ROBO1: variants seen among roughly 807,000 people sequenced by gnomAD.
ROBO1 encodes roundabout guidance receptor 1.
In ROBO1, 149 loss-of-function variants were observed where a neutral mutation model predicts 195.9. The observed-to-expected ratio is 0.76, with a 90% CI of 0.67 to 0.87. The LOEUF (loss-of-function observed/expected upper bound fraction) is 0.87. ROBO1 is among the 40% of genes least tolerant of loss of function. ROBO1 has a pLI of 0.00. For synonymous variants in ROBO1, 816 were observed against 733.2 expected (o/e 1.11, Z -1.82); for missense variants, 1,933 against 2,068.3 (o/e 0.93, Z 1.27).
At chr3:79,453,570 C>T (rs1165781374) in intron 2 of ROBO1, among the ~76,000 whole-genome samples, 1 of 152,060 alleles carries the variant, frequency 6.6e-6, no homozygotes, top group Non-Finnish European at 1.5e-5. Flanking sequence ...GTTGGGCAGT[C>T]ACAAGGTAGA....
intron 2 of ROBO1, among the ~76,000 whole-genome samples, chr3:79,206,523 C>A (rs925537041): frequency 9.2e-5 from 14 of 152,216 alleles, no homozygotes; most frequent in African/African-American, 3.4e-4. Flanking sequence ...AGGCATACTA[C>A]ATATAGAGTT....
intron 7 of ROBO1, among the ~76,000 whole-genome samples, chr3:78,716,742 G>A (rs570358932): frequency 2.6e-5 from 4 of 152,070 alleles, no homozygotes; most frequent in Admixed American, 1.3e-4. Context: ...AAGACGGCCC[G>A]CTGACAGTAC....
chr3:78,752,534 T>C (rs1307449618), intron 4 of ROBO1, among the ~76,000 whole-genome samples: 1 of 152,164 alleles, frequency 6.6e-6, no homozygotes, highest in Non-Finnish European at 1.5e-5. Flanking sequence ...GTCTTACTTT[T>C]TAGCTGACAG....
At chr3:79,410,473 T>TG (rs2037721152) in intron 2 of ROBO1, among the ~76,000 whole-genome samples, 1 of 152,096 alleles carries the variant, frequency 6.6e-6, no homozygotes, top group Non-Finnish European at 1.5e-5. Flanking sequence ...GCAACCTGTA[T>TG]GTCCAGGGAA....
At chr3:79,507,414 G>A (rs1940461437) in intron 2 of ROBO1, among the ~76,000 whole-genome samples, 1 of 152,146 alleles carries the variant, frequency 6.6e-6, no homozygotes, top group Non-Finnish European at 1.5e-5. Flanking sequence ...GAGCAGTACT[G>A]CAACTTACTA....
intron 4 of ROBO1, among the ~76,000 whole-genome samples, chr3:78,840,940 T>C (rs1266791419): frequency 6.6e-6 from 1 of 151,588 alleles, no homozygotes; most frequent in Non-Finnish European, 1.5e-5. Context: ...TGGGCGCCTG[T>C]AGTCCCAGCT....
chr3:79,553,273 T>A (rs968629284), intron 2 of ROBO1, among the ~76,000 whole-genome samples: 1 of 152,052 alleles, frequency 6.6e-6, no homozygotes, highest in Non-Finnish European at 1.5e-5. Context: ...TTCAGCCCTG[T>A]CTTGCCTTGT....
intron 18 of ROBO1, 38 bp downstream of exon 18, chr3:78,657,060 G>T: frequency 1.3e-6 from 2 of 1,545,582 alleles, no homozygotes; most frequent in Non-Finnish European, 1.7e-6. Context: ...ACATGGTAGA[G>T]TGAGAGATTG....
chr3:79,057,854 G>A (rs2078841660), intron 3 of ROBO1, among the ~76,000 whole-genome samples: 1 of 151,906 alleles, frequency 6.6e-6, no homozygotes, highest in African/African-American at 2.4e-5. Context: ...TGGATTCCTG[G>A]AGCTACAGAT....
At chr3:79,226,455 G>A (rs1488982745) in intron 2 of ROBO1, among the ~76,000 whole-genome samples, 1 of 151,740 alleles carries the variant, frequency 6.6e-6, no homozygotes, top group Non-Finnish European at 1.5e-5. Flanking sequence ...TCTTCACCCT[G>A]TATAGACGAT....
chr3:79,688,808 A>C (rs968477655), intron 1 of ROBO1, among the ~76,000 whole-genome samples: 1 of 151,970 alleles, frequency 6.6e-6, no homozygotes, highest in Non-Finnish European at 1.5e-5. Flanking sequence ...ATTTACTTCT[A>C]TTTCTAACTT....
chr3:79,322,808 T>TA (rs955618958), intron 2 of ROBO1, among the ~76,000 whole-genome samples: 4 of 152,166 alleles, frequency 2.6e-5, no homozygotes, highest in African/African-American at 9.7e-5. Context: ...AGAAGGGATA[T>TA]AAAAAACTAT....
intron 2 of ROBO1, among the ~76,000 whole-genome samples, chr3:79,574,424 G>T (rs1195358389): frequency 1.3e-5 from 2 of 151,458 alleles, no homozygotes; most frequent in Non-Finnish European, 3.0e-5. Flanking sequence ...CATAAATTTT[G>T]CTACCATAAA....
chr3:78,821,819 C>T (rs868373199), intron 4 of ROBO1, among the ~76,000 whole-genome samples: 11 of 152,100 alleles, frequency 7.2e-5, no homozygotes, highest in South Asian at 2.1e-4. Flanking sequence ...ATCTCATAAT[C>T]CCAAAACCTG....
At chr3:79,704,777 T>C (rs1358992420) in intron 1 of ROBO1, among the ~76,000 whole-genome samples, 4 of 152,072 alleles carry the variant, frequency 2.6e-5, no homozygotes, top group African/African-American at 4.8e-5. Flanking sequence ...TCTTCGCAAG[T>C]GGCTACATCA....
intron 4 of ROBO1, among the ~76,000 whole-genome samples, chr3:78,899,955 G>A (rs936838057): frequency 1.3e-5 from 2 of 152,138 alleles, no homozygotes; most frequent in Non-Finnish European, 2.9e-5. Context: ...TGATGTTTTA[G>A]GATTTCTTGT....
chr3:78,906,066 A>G (rs892194217), intron 4 of ROBO1, among the ~76,000 whole-genome samples: 1 of 152,054 alleles, frequency 6.6e-6, no homozygotes, highest in Non-Finnish European at 1.5e-5. Context: ...GTTGTTTTTC[A>G]TTTTTGTTTT....
At chr3:79,125,397 G>T in intron 3 of ROBO1, 59 bp downstream of exon 3, 1 of 1,342,178 alleles carries the variant, frequency 7.5e-7, no homozygotes, top group Non-Finnish European at 1.1e-6. Context: ...GTGGTTGATG[G>T]TTGATGGAGG....
At chr3:79,621,593 G>T (rs1365090652) in intron 1 of ROBO1, among the ~76,000 whole-genome samples, 4 of 152,126 alleles carry the variant, frequency 2.6e-5, no homozygotes, top group African/African-American at 9.7e-5. Context: ...AGCCAGAAAG[G>T]ACTGAGGTTT....
Sources: allele counts gnomAD v4.1 joint callset (sites outside exome capture counted in the v4.1 genomes callset), GRCh38; gene constraint gnomAD v4.1.1; transcripts MANE v1.5; gene names NCBI Gene and HGNC (gene_info 2026-07-23, HGNC 2026-07-21).